Variants in GALNT13 observed in about 807,000 individuals in gnomAD.
GALNT13 encodes polypeptide N-acetylgalactosaminyltransferase 13.
Under a neutral mutation model 64.2 loss-of-function variants are expected in GALNT13, and 28 were observed. The ratio of observed to expected loss-of-function variants is 0.44; its 90% CI spans 0.32 to 0.60. The LOEUF is 0.60. GALNT13 is among the 20% of genes least tolerant of loss of function. The probability of loss-of-function intolerance (pLI) is 0.05; values close to 1 mark genes in which losing one functional copy is unlikely to be tolerated. For missense variants in GALNT13, 577 were observed against 669.8 expected (o/e 0.86, Z 1.53); for synonymous variants, 214 against 224.6 (o/e 0.95, Z 0.42).
At chr2:153,092,417 AGAT>A in the GALNT13 span, among the ~76,000 whole-genome samples, 1 of 152,124 alleles carries the variant, frequency 6.6e-6, no homozygotes, top group Non-Finnish European at 1.5e-5. Flanking sequence ...TTGAGTCTGT[AGAT>A]TGCTTAGGGT....
intron 2 of GALNT13, among the ~76,000 whole-genome samples, chr2:153,933,264 G>A (rs1440663196): frequency 2.0e-5 from 3 of 152,098 alleles, no homozygotes; most frequent in African/African-American, 7.2e-5. Context: ...AAGTCTCTTT[G>A]TAGGTTCCTA....
chr2:153,456,327 G>C, the GALNT13 span, among the ~76,000 whole-genome samples: 36 of 152,266 alleles, frequency 2.4e-4, no homozygotes, highest in African/African-American at 8.2e-4. Context: ...CAAAATGCTG[G>C]TCCCTTTCCT....
intron 9 of GALNT13, among the ~76,000 whole-genome samples, chr2:154,329,923 G>A (rs1392061711): frequency 2.0e-5 from 3 of 152,004 alleles, no homozygotes; most frequent in Non-Finnish European, 4.4e-5. Flanking sequence ...ATAGATTCTG[G>A]TGTAATGCCT....
the GALNT13 span, among the ~76,000 whole-genome samples, chr2:153,739,402 A>G: frequency 6.6e-6 from 1 of 151,344 alleles, no homozygotes; most frequent in African/African-American, 2.4e-5. Context: ...TATACTCTGT[A>G]TTCTTGTGTG....
chr2:153,350,876 A>G, the GALNT13 span, among the ~76,000 whole-genome samples: 48 of 152,294 alleles, frequency 3.2e-4, 1 homozygote, highest in Middle Eastern at 6.8e-3. Flanking sequence ...TCCTATTTAC[A>G]TTCTGAAGCA....
chr2:154,013,881 G>C (rs1337898836), intron 3 of GALNT13, among the ~76,000 whole-genome samples: 2 of 152,152 alleles, frequency 1.3e-5, no homozygotes, highest in East Asian at 3.9e-4. Context: ...CTGTGGGTGG[G>C]CTGGTTTTGT....
At chr2:153,086,619 C>A in the GALNT13 span, among the ~76,000 whole-genome samples, 13 of 152,102 alleles carry the variant, frequency 8.5e-5, no homozygotes, top group African/African-American at 3.1e-4. Flanking sequence ...GTCAATTAAA[C>A]CTCTTTCCTT....
At chr2:154,088,808 AGTATCAGGGCTAT>A (rs1422284943) in intron 3 of GALNT13, among the ~76,000 whole-genome samples, 1 of 152,142 alleles carries the variant, frequency 6.6e-6, no homozygotes, top group East Asian at 1.9e-4. Flanking sequence ...TTTTGCATAA[AGTATCAGGGCTAT>A]GTTTTTGTTC....
In GALNT13 at chr2:154,291,602, CCA is replaced by C. The variant is rs1329621053; in HGVS notation, c.976-9805_976-9804del. 4.6e-5 allele frequency among the ~76,000 whole-genome samples: 7 copies of C among 152,282 alleles called. No individual in the cohort carries two copies. In the East Asian group the frequency reaches 1.4e-3, roughly 30 times the overall value. On this transcript the variant is annotated intron_variant, in intron 8 of 12. Transcript: ENST00000392825. ...TGGCCGGCCACGCTGGGTGCGGGGC[CCA>C]CCGAACCCATGCCCACCCAGAACCC...
chr2:153,653,740 A>G, the GALNT13 span, among the ~76,000 whole-genome samples: 1 of 152,146 alleles, frequency 6.6e-6, no homozygotes, highest in Admixed American at 6.6e-5. Flanking sequence ...CATCTAATTC[A>G]TTACTTTGTA....
chr2:153,214,134 A>T, the GALNT13 span, among the ~76,000 whole-genome samples: 7 of 152,214 alleles, frequency 4.6e-5, no homozygotes, highest in East Asian at 1.3e-3. Flanking sequence ...AAAATATTTT[A>T]AAATAATGGT....
At chr2:153,663,335 G>T in the GALNT13 span, among the ~76,000 whole-genome samples, 1 of 152,050 alleles carries the variant, frequency 6.6e-6, no homozygotes, top group African/African-American at 2.4e-5. Context: ...CATAAAACTA[G>T]ACTTTTTAAG....
the GALNT13 span, among the ~76,000 whole-genome samples, chr2:153,207,497 G>A: frequency 6.6e-6 from 1 of 151,964 alleles, no homozygotes. Context: ...TTGTTAAATG[G>A]TGATACTCCA....
chr2:154,323,990 A>T (rs1694752227), intron 9 of GALNT13, among the ~76,000 whole-genome samples: 1 of 152,118 alleles, frequency 6.6e-6, no homozygotes, highest in Admixed American at 6.6e-5. Context: ...ATTTTAAAAA[A>T]TTTTAAATAC....
At position 154,279,862 on chromosome 2, in the gene GALNT13, T is replaced by C. The variant is rs114129196; in HGVS notation, c.975+20724T>C. Among the ~76,000 whole-genome samples, 822 of 152,264 alleles carry C rather than the reference T, an allele frequency of 5.4e-3. 14 individuals are homozygous for C. The highest frequency in any genetic ancestry group is 9.2e-3 in the Non-Finnish European group (628 of 68,000). On this transcript the variant is annotated intron_variant, in intron 8 of 12. Transcript: ENST00000392825. ...CCTTCTTAGGATGTTTGTGGGTTTC[T>C]TGAATAAGTACTTGAGGTGACATTA...
At chr2:153,557,677 C>T in the GALNT13 span, among the ~76,000 whole-genome samples, 2 of 152,316 alleles carry the variant, frequency 1.3e-5, no homozygotes, top group African/African-American at 2.4e-5. Context: ...TGTCACTCCT[C>T]GGCTTAACAT....
At chr2:153,653,753 T>G in the GALNT13 span, among the ~76,000 whole-genome samples, 1 of 152,110 alleles carries the variant, frequency 6.6e-6, no homozygotes, top group Non-Finnish European at 1.5e-5. Context: ...ACTTTGTAAA[T>G]AAATAAGAGA....
At chr2:153,592,419 A>G in the GALNT13 span, among the ~76,000 whole-genome samples, 1 of 152,232 alleles carries the variant, frequency 6.6e-6, no homozygotes, top group African/African-American at 2.4e-5. Context: ...ACAGTAGGAA[A>G]GATATGAAAT....
At chr2:153,762,326 G>A in the GALNT13 span, 1 of 152,224 alleles carries the variant, frequency 6.6e-6, no homozygotes, top group African/African-American at 2.4e-5. Flanking sequence ...GAGAGCTGAT[G>A]CACAACAATG....
Sources: allele counts gnomAD v4.1 joint callset (sites outside exome capture counted in the v4.1 genomes callset), GRCh38; gene constraint gnomAD v4.1.1; transcripts MANE v1.5; gene names NCBI Gene and HGNC (gene_info 2026-07-23, HGNC 2026-07-21).